Variants in IFT88 observed in about 807,000 individuals in gnomAD.
IFT88 encodes intraflagellar transport 88.
A neutral mutation model predicts 119.5 loss-of-function variants in IFT88; 74 were observed. The ratio of observed to expected loss-of-function variants is 0.62; its 90% CI spans 0.51 to 0.75. IFT88 has a LOEUF of 0.75. Ranked by LOEUF, IFT88 falls within the 30% of genes least tolerant of loss-of-function variation. The pLI is 0.00. For synonymous variants in IFT88, 279 were observed against 316.7 expected, an observed-to-expected ratio of 0.88 and a Z score of 1.26; for missense variants, 961 against 977.7, an observed-to-expected ratio of 0.98 and a Z score of 0.23.
intron 24 of IFT88, among the ~76,000 whole-genome samples, 182 bp from the exon 25 acceptor site, chr13:20,690,523 T>C (rs2058371599): frequency 6.6e-6 from 1 of 152,232 alleles, no homozygotes; most frequent in Non-Finnish European, 1.5e-5. Flanking sequence ...ATCTATATTA[T>C]AGATTCCCAC....
intron 7 of IFT88, among the ~76,000 whole-genome samples, chr13:20,592,792 C>A (rs945558612): frequency 6.6e-6 from 1 of 152,044 alleles, no homozygotes; most frequent in Non-Finnish European, 1.5e-5. Context: ...AATTATGTGA[C>A]TTCCATAAGA....
chr13:20,609,685 A>G lies in IFT88; in HGVS notation c.1112+4580A>G, dbSNP rs752748908. On this transcript the variant is annotated intron_variant, in intron 13 of 25. Coordinates refer to ENST00000351808, the MANE Select transcript of IFT88 (RefSeq NM_006531.5). ...CTTGAACCCAGGAGGTGGAGGTTGC[A>G]GTGAGCCGAGATCATGCCACTACAC... Among the ~76,000 whole-genome samples, 81 of 152,150 alleles carry G rather than the reference A, an allele frequency of 5.3e-4. 3 individuals are homozygous for G. Among genetic ancestry groups the G allele is most frequent in the Non-Finnish European group, 1.5e-4 (10 of 68,016 alleles).
intron 24 of IFT88, among the ~76,000 whole-genome samples, chr13:20,685,801 A>T (rs1196055687): frequency 6.6e-6 from 1 of 152,162 alleles, no homozygotes; most frequent in Non-Finnish European, 1.5e-5. Flanking sequence ...AATTGTTTGA[A>T]CCCGGGAGGC....
intron 23 of IFT88, among the ~76,000 whole-genome samples, chr13:20,667,377 TG>T (rs2054885856): frequency 6.6e-6 from 1 of 151,954 alleles, no homozygotes; most frequent in Non-Finnish European, 1.5e-5. Context: ...AGATCTGAGG[TG>T]GGTTGCATGT....
chr13:20,607,313 G>T (rs1276216054), intron 13 of IFT88: 4 of 465,962 alleles, frequency 8.6e-6, no homozygotes. Context: ...CAAGTACTTC[G>T]CATCCCTGTC....
chr13:20,680,868 T>C (rs1051010247), intron 24 of IFT88, among the ~76,000 whole-genome samples: 6 of 152,218 alleles, frequency 3.9e-5, no homozygotes, highest in African/African-American at 1.4e-4. Context: ...CTCGTTGTTA[T>C]CGAATCTCTC....
At chr13:20,633,904 G>A (rs1218278918) in intron 16 of IFT88, among the ~76,000 whole-genome samples, 3 of 152,146 alleles carry the variant, frequency 2.0e-5, no homozygotes, top group African/African-American at 7.2e-5. Flanking sequence ...AAATCACCAG[G>A]TATATGCTTA....
intron 22 of IFT88, among the ~76,000 whole-genome samples, chr13:20,659,723 A>C (rs938093958): frequency 1.3e-5 from 2 of 151,522 alleles, no homozygotes; most frequent in Admixed American, 1.3e-4. Flanking sequence ...GGCTCACTGC[A>C]ACCTCTGCTG....
intron 7 of IFT88, among the ~76,000 whole-genome samples, chr13:20,593,726 T>C (rs967365252): frequency 5.3e-5 from 8 of 152,008 alleles, no homozygotes; most frequent in Non-Finnish European, 1.0e-4. Flanking sequence ...TCCTTTTGGC[T>C]GCTAATAACA....
chr13:20,597,856 C>A (rs1473790979), intron 9 of IFT88, among the ~76,000 whole-genome samples: 2 of 151,458 alleles, frequency 1.3e-5, no homozygotes, highest in Non-Finnish European at 2.9e-5. Flanking sequence ...AATGCTCTAT[C>A]AAGGTGGTTA....
intron 14 of IFT88, among the ~76,000 whole-genome samples, chr13:20,624,148 C>T (rs889182521): frequency 1.3e-5 from 2 of 152,198 alleles, no homozygotes; most frequent in Middle Eastern, 3.4e-3. Context: ...TTGAAAAGAA[C>T]ATGTATTCTG....
intron 11 of IFT88, among the ~76,000 whole-genome samples, chr13:20,599,989 A>G (rs1204401763): frequency 6.6e-6 from 1 of 152,070 alleles, no homozygotes; most frequent in Non-Finnish European, 1.5e-5. Context: ...AAGCTGGGAT[A>G]TTTTCTATTA....
chr13:20,660,862 A>C (rs916067350), intron 22 of IFT88, among the ~76,000 whole-genome samples: 1 of 152,188 alleles, frequency 6.6e-6, no homozygotes, highest in Non-Finnish European at 1.5e-5. Context: ...TTAAATAGGC[A>C]CTTAGGGAGA....
At chr13:20,642,752 T>C (rs1284206691) in intron 18 of IFT88, 1 of 152,168 alleles carries the variant, frequency 6.6e-6, no homozygotes, top group East Asian at 1.9e-4. Flanking sequence ...AAGCAACTGA[T>C]GTATTTGAGA....
intron 23 of IFT88, among the ~76,000 whole-genome samples, chr13:20,669,315 A>C (rs1157870989): frequency 1.3e-5 from 2 of 152,200 alleles, no homozygotes; most frequent in South Asian, 2.1e-4. Flanking sequence ...TTACCTTCGC[A>C]TATCCTGTTC....
At chr13:20,640,951 G>A (rs2049845095) in intron 17 of IFT88, among the ~76,000 whole-genome samples, 1 of 152,126 alleles carries the variant, frequency 6.6e-6, no homozygotes, top group African/African-American at 2.4e-5. Flanking sequence ...TTCCAGACCA[G>A]CCTGAGCAAC....
At chr13:20,567,443 C>T (rs1275687456) in intron 1 of IFT88, among the ~76,000 whole-genome samples, 187 bp downstream of exon 1, 1 of 152,246 alleles carries the variant, frequency 6.6e-6, no homozygotes, top group Non-Finnish European at 1.5e-5. Flanking sequence ...TCCTCAGGCT[C>T]CCGAGTTGTC....
At chr13:20,638,003 A>G (rs2049287705) in intron 16 of IFT88, among the ~76,000 whole-genome samples, 1 of 152,228 alleles carries the variant, frequency 6.6e-6, no homozygotes, top group Admixed American at 6.5e-5. Flanking sequence ...CTTTTGTGAC[A>G]GCTATTTCAG....
At chr13:20,582,509 GC>G (rs763382522) in intron 2 of IFT88, among the ~76,000 whole-genome samples, 72 of 152,098 alleles carry the variant, frequency 4.7e-4, no homozygotes, top group Admixed American at 9.8e-4. Flanking sequence ...CAAAGAGAGT[GC>G]CCCCTGCTTG....
Sources: allele counts gnomAD v4.1 joint callset (sites outside exome capture counted in the v4.1 genomes callset), GRCh38; gene constraint gnomAD v4.1.1; transcripts MANE v1.5; gene names NCBI Gene and HGNC (gene_info 2026-07-23, HGNC 2026-07-21).